SNTA1: variants seen among roughly 807,000 people sequenced by gnomAD.
SNTA1 encodes syntrophin alpha 1, also known as alpha-1-syntrophin.
Under a neutral mutation model 47.1 loss-of-function variants are expected in SNTA1, and 31 were observed. The ratio of observed to expected loss-of-function variants is 0.66; its 90% CI spans 0.49 to 0.89. The LOEUF (loss-of-function observed/expected upper bound fraction) is 0.89, where lower values mean the gene tolerates loss of function less well. SNTA1 is among the 40% of genes least tolerant of loss of function. The pLI, the probability that SNTA1 is intolerant of heterozygous loss-of-function variation, is 0.00. For missense variants in SNTA1, 575 were observed against 693.0 expected, an observed-to-expected ratio of 0.83 and a Z score of 1.91; for synonymous variants, 300 against 313.6, an observed-to-expected ratio of 0.96 and a Z score of 0.46.
At chr20:33,420,563 T>G (rs1459552002) in intron 2 of SNTA1, among the ~76,000 whole-genome samples, 1 of 152,164 alleles carries the variant, frequency 6.6e-6, no homozygotes, top group East Asian at 1.9e-4. Context: ...ACATGGGCCC[T>G]GCCCACAGGT....
chr20:33,439,123 C>T (rs1886646070), intron 1 of SNTA1, 97 bp from the exon 2 acceptor site: 2 of 1,147,042 alleles, frequency 1.7e-6, no homozygotes, highest in Admixed American at 1.7e-5. Flanking sequence ...TCCCTTGGTG[C>T]CTAGCCCAGT....
chr20:33,426,378 G>T (rs1990169804), intron 2 of SNTA1, among the ~76,000 whole-genome samples: 1 of 150,734 alleles, frequency 6.6e-6, no homozygotes, highest in Non-Finnish European at 1.5e-5. Context: ...TTGAACTCAG[G>T]AGGCAGAGGT....
At chr20:33,418,470 C>T (rs1476487938) in intron 2 of SNTA1, among the ~76,000 whole-genome samples, 1 of 151,978 alleles carries the variant, frequency 6.6e-6, no homozygotes, top group Non-Finnish European at 1.5e-5. Flanking sequence ...TCTTGAACTC[C>T]TAGACAGTGT....
chr20:33,409,791 C>T (rs942816178), intron 6 of SNTA1, among the ~76,000 whole-genome samples: 2 of 152,180 alleles, frequency 1.3e-5, no homozygotes, highest in African/African-American at 2.4e-5. Context: ...CCACCATGCC[C>T]GGCTAATTTT....
intron 1 of SNTA1, 127 bp downstream of exon 1, chr20:33,443,184 T>C: frequency 1.6e-6 from 1 of 640,872 alleles, no homozygotes; most frequent in South Asian, 2.7e-5. Flanking sequence ...GTTACCTGTT[T>C]CCTCAGACCC....
intron 3 of SNTA1, 75 bp downstream of exon 3, chr20:33,417,644 G>A (rs1362656250): frequency 3.9e-6 from 4 of 1,021,896 alleles, no homozygotes; most frequent in Admixed American, 1.7e-5. Flanking sequence ...ACAACACAGA[G>A]GTGTCTTTCC....
chr20:33,414,272 A>AC (rs1989821904), intron 3 of SNTA1, among the ~76,000 whole-genome samples: 11 of 138,782 alleles, frequency 7.9e-5, no homozygotes, highest in Admixed American at 2.2e-4. Context: ...AAAAAAAAAA[A>AC]CAGAAAAACA....
In SNTA1 at chr20:33,417,789, C is replaced by T. The variant is rs1327460672; in HGVS notation, c.631G>A (p.Glu211Lys). The T allele has an allele frequency of 6.2e-6, 10 of 1,614,070 alleles. No individual in the cohort carries two copies. The highest frequency in any genetic ancestry group is 1.6e-4 in the Middle Eastern group (1 of 6,062). ...SPGPTPRNFS[E>K]AKHMSLKMAY... ...ATCTTCAAGGACATGTGTTTGGCCT[C>T]GCTGAAGTTCCGGGGTGTGGGGCCA... The change falls in exon 3 of 8, where the codon GAG (glutamate) becomes AAG (lysine). Residue 211 changes from glutamate (E) to lysine (K), a missense_variant. Physicochemically the swap from Glu to Lys is moderately conservative, Grantham distance 56. Transcript: ENST00000217381.
intron 3 of SNTA1, among the ~76,000 whole-genome samples, chr20:33,416,938 CAAAAAAAAAAAAA>C (rs1161474406): frequency 7.1e-5 from 4 of 56,044 alleles, no homozygotes; most frequent in African/African-American, 1.2e-4. Context: ...GAGACTCTGT[CAAAAAAAAAAAAA>C]AAAAAAAAAA....
At chr20:33,433,286 G>GC (rs1437970893) in intron 2 of SNTA1, among the ~76,000 whole-genome samples, 1 of 133,326 alleles carries the variant, frequency 7.5e-6, no homozygotes, top group Non-Finnish European at 1.6e-5. Flanking sequence ...TTTTTGAGAT[G>GC]GAGTTTTGCT....
chr20:33,433,263 C>CTTT (rs1227520975), intron 2 of SNTA1, among the ~76,000 whole-genome samples: 1 of 138,750 alleles, frequency 7.2e-6, no homozygotes. Context: ...TCGGGTTTTT[C>CTTT]TTTTTTCTTT....
chr20:33,423,287 G>T (rs570055525), intron 2 of SNTA1, among the ~76,000 whole-genome samples: 12 of 152,136 alleles, frequency 7.9e-5, no homozygotes, highest in Non-Finnish European at 1.8e-4. Flanking sequence ...GGGGTCCTGG[G>T]GGCCCCGGAG....
Position 33,417,748 on chromosome 20 carries a change from C to G in SNTA1, c.672G>C (p.Lys224Asn), listed in dbSNP as rs1989910476. Residue 224 changes from lysine to asparagine, a missense_variant, in exon 3 of 8, where the codon AAG becomes AAC. Physicochemically the swap from Lys to Asn is moderately conservative, Grantham distance 94. Coordinates refer to ENST00000217381, the MANE Select transcript of SNTA1 (RefSeq NM_003098.3). ...GCTCCGGGTCATTGGGGGTGCACCT[C>G]TTCGAGACATATGCCATCTTCAAGG... ...HMSLKMAYVSKRCTPNDPEPR... is the reference protein window; with the variant it reads ...HMSLKMAYVSNRCTPNDPEPR... The G allele has an allele frequency of 6.2e-7, 1 of 1,614,144 alleles. No homozygotes were observed. The highest frequency in any genetic ancestry group is 8.5e-7 in the Non-Finnish European group (1 of 1,180,030).
chr20:33,412,853 AC>A, intron 3 of SNTA1, 71 bp from the exon 4 acceptor site: 1 of 1,022,770 alleles, frequency 9.8e-7, no homozygotes, highest in Non-Finnish European at 1.5e-6. Flanking sequence ...GGCCCAAGAA[AC>A]CCCACCCACC....
At chr20:33,415,490 A>C (rs1433903098) in intron 3 of SNTA1, among the ~76,000 whole-genome samples, 3 of 152,138 alleles carry the variant, frequency 2.0e-5, no homozygotes, top group African/African-American at 7.2e-5. Flanking sequence ...CCCTGTCTCT[A>C]GTAAAAATAC....
Position 33,443,411 on chromosome 20 carries a change from C to A in SNTA1, c.210G>T (p.Pro70=), listed in dbSNP as rs751651742. 3.1e-5 allele frequency: 42 copies of A among 1,340,886 alleles called. No homozygotes were observed. Among genetic ancestry groups the A allele is most frequent in the Non-Finnish European group, 3.8e-5 (40 of 1,053,932 alleles). The allele number at this position is 1,340,886 out of a possible 1,614,324, so 83.1% of individuals were successfully genotyped here. ...EPAQLNGAAE[P]GAGPPQLPEA... ...CTGGCAGCTGCGGGGGCCCGGCGCCCGGCTCCGCGGCGCCGTTGAGCTGCG... is the reference window on the plus strand; with the variant it reads ...CTGGCAGCTGCGGGGGCCCGGCGCCAGGCTCCGCGGCGCCGTTGAGCTGCG... Residue 70 remains proline, a synonymous_variant, in exon 1 of 8, where the codon CCG becomes CCT. Coordinates refer to ENST00000217381, the MANE Select transcript of SNTA1 (RefSeq NM_003098.3).
chr20:33,408,900 G>A lies in SNTA1; in HGVS notation c.1238-12C>T. ...ATTCCACGTGCAGGCTGCAGGGAGG[G>A]CACATAGGTACAGGCACAGCTGGCA... On this transcript the variant is annotated splice_polypyrimidine_tract_variant and intron_variant, in intron 6 of 7. Coordinates refer to ENST00000217381, the MANE Select transcript of SNTA1 (RefSeq NM_003098.3). 1 of 1,612,690 alleles carries A rather than the reference G, an allele frequency of 6.2e-7. No homozygotes were observed. The highest frequency in any genetic ancestry group is 8.5e-7 in the Non-Finnish European group (1 of 1,179,262).
In SNTA1 at chr20:33,439,013, G is replaced by A. The variant is rs1312435202; in HGVS notation, c.324C>T (p.Asn108=). 4 of 1,614,144 alleles carry A rather than the reference G, an allele frequency of 2.5e-6. No individual in the cohort carries two copies. Among genetic ancestry groups the A allele is most frequent in the Non-Finnish European group, 3.4e-6 (4 of 1,179,978 alleles). ...TCTTGGAAATGAGAATAGGCATCTT[G>A]TTCTCCCGGCCGCCTGCACAGGTAC... is the stretch of plus-strand genomic sequence containing the variant. The part of the protein sequence containing the change: ...LGISIKGGRE[N]KMPILISKIF... The change falls in exon 2 of 8, where the codon AAC becomes AAT. Residue 108 remains asparagine (N), a synonymous_variant. Transcript: ENST00000217381.
At chr20:33,438,027 G>A (rs1176806195) in intron 2 of SNTA1, among the ~76,000 whole-genome samples, 7 of 152,164 alleles carry the variant, frequency 4.6e-5, no homozygotes, top group South Asian at 2.1e-4. Context: ...GCCTCTGGGC[G>A]TGGTGGCTCA....
Sources: gnomAD v4.1 joint callset for allele counts (sites outside exome capture counted in the v4.1 genomes callset) on GRCh38, gnomAD v4.1.1 for gene constraint, MANE v1.5 for transcripts, NCBI Gene and HGNC (gene_info 2026-07-23, HGNC 2026-07-21) for gene names.